The following USP12 variants were observed in gnomAD, a reference collection of about 807,000 sequenced individuals.
The protein encoded by USP12 is ubiquitin carboxyl-terminal hydrolase 12.
In USP12, 19 loss-of-function variants were observed where a neutral mutation model predicts 45.5. That is an observed-to-expected ratio of 0.42 (90% CI 0.29 to 0.61). USP12 has a LOEUF of 0.61. USP12 is among the 20% of genes least tolerant of loss of function. The pLI, the probability that USP12 is intolerant of heterozygous loss-of-function variation, is 0.22. For synonymous variants in USP12, 149 were observed against 148.8 expected, an observed-to-expected ratio of 1.00 and a Z score of -0.01; for missense variants, 242 against 447.7, an observed-to-expected ratio of 0.54 and a Z score of 4.15.
intron 1 of USP12, chr13:27,170,413 G>T: frequency 2.5e-6 from 1 of 398,286 alleles, no homozygotes; most frequent in South Asian, 1.3e-4. Context: ...TGCATAAATA[G>T]GGCCAGTGAG....
chr13:27,154,509 G>A (rs967951056), intron 1 of USP12, among the ~76,000 whole-genome samples: 3 of 152,014 alleles, frequency 2.0e-5, no homozygotes, highest in Admixed American at 6.6e-5. Context: ...AGATAACCAC[G>A]TCTTAATGTT....
intron 3 of USP12, among the ~76,000 whole-genome samples, chr13:27,105,171 G>A (rs1237499445): frequency 6.6e-6 from 1 of 152,136 alleles, no homozygotes; most frequent in African/African-American, 2.4e-5. Context: ...AAAGGGAGGT[G>A]GGGCTTACTC....
intron 2 of USP12, among the ~76,000 whole-genome samples, chr13:27,111,686 T>C (rs1875456197): frequency 6.6e-6 from 1 of 152,212 alleles, no homozygotes; most frequent in African/African-American, 2.4e-5. Context: ...ATTTATAAAT[T>C]ATACATACTA....
intron 1 of USP12, among the ~76,000 whole-genome samples, chr13:27,155,938 G>A (rs1418596005): frequency 1.3e-5 from 2 of 152,070 alleles, no homozygotes; most frequent in African/African-American, 4.8e-5. Flanking sequence ...TAACATAGAT[G>A]TACATTCTCT....
intron 1 of USP12, among the ~76,000 whole-genome samples, chr13:27,126,045 A>G (rs901294165): frequency 1.3e-5 from 2 of 152,262 alleles, no homozygotes; most frequent in Admixed American, 6.5e-5. Flanking sequence ...GGGGCAGGGC[A>G]TATCTGAACA....
intron 1 of USP12, among the ~76,000 whole-genome samples, chr13:27,148,815 A>ACACACACACACACACACACACACAC (rs1232624646): frequency 1.0e-3 from 13 of 12,612 alleles, no homozygotes; most frequent in South Asian, 2.9e-3. Context: ...CACACACACA[A>ACACACACACACACACACACACACAC]AAATCAGGTG....
chr13:27,085,065 A>T (rs1386413452), intron 6 of USP12, among the ~76,000 whole-genome samples: 1 of 152,156 alleles, frequency 6.6e-6, no homozygotes. Context: ...TTTCAGTAAC[A>T]TCTTATAATT....
chr13:27,105,254 T>G (rs1875076069), intron 3 of USP12, among the ~76,000 whole-genome samples: 1 of 152,220 alleles, frequency 6.6e-6, no homozygotes, highest in East Asian at 1.9e-4. Flanking sequence ...TTCTAGCTCC[T>G]TCCCCGGAGT....
At chr13:27,170,047 C>T (rs1878517231) in intron 1 of USP12, 2 of 336,768 alleles carry the variant, frequency 5.9e-6, no homozygotes, top group East Asian at 4.4e-5. Context: ...TTGAAATTGA[C>T]TAAGATAATA....
chr13:27,125,493 G>C (rs1876183986), intron 1 of USP12, among the ~76,000 whole-genome samples: 1 of 152,184 alleles, frequency 6.6e-6, no homozygotes, highest in South Asian at 2.1e-4. Context: ...TTGCTTCCAA[G>C]ATGGCCGAAT....
At chr13:27,093,406 G>A (rs1473002808) in intron 4 of USP12, among the ~76,000 whole-genome samples, 1 of 151,856 alleles carries the variant, frequency 6.6e-6, no homozygotes, top group Non-Finnish European at 1.5e-5. Flanking sequence ...AAGAGATATA[G>A]ATGATAAATA....
chr13:27,119,199 C>G (rs34470664), intron 1 of USP12, among the ~76,000 whole-genome samples: 1 of 152,062 alleles, frequency 6.6e-6, no homozygotes, highest in South Asian at 2.1e-4. Flanking sequence ...CGTGCAAAAG[C>G]TAAGAAATGA....
intron 6 of USP12, among the ~76,000 whole-genome samples, chr13:27,087,941 G>T (rs1874136699): frequency 2.0e-5 from 3 of 152,264 alleles, no homozygotes; most frequent in Middle Eastern, 3.4e-3. Flanking sequence ...AATGAAGAAT[G>T]AAATATTTAC....
At chr13:27,132,124 C>A (rs1053701788) in intron 1 of USP12, among the ~76,000 whole-genome samples, 1 of 152,192 alleles carries the variant, frequency 6.6e-6, no homozygotes, top group East Asian at 1.9e-4. Flanking sequence ...TTCCTGCTAT[C>A]CCTCATTTCC....
intron 1 of USP12, among the ~76,000 whole-genome samples, chr13:27,145,051 C>T (rs1473306958): frequency 6.6e-6 from 1 of 152,082 alleles, no homozygotes; most frequent in South Asian, 2.1e-4. Context: ...TGGGCTGGAC[C>T]CTGCAGCAGA....
chr13:27,142,291 T>G (rs1877100573), intron 1 of USP12, among the ~76,000 whole-genome samples: 1 of 152,068 alleles, frequency 6.6e-6, no homozygotes, highest in Non-Finnish European at 1.5e-5. Flanking sequence ...GACTTGTACT[T>G]CTCAAAAATG....
rs71083634 is a variant in USP12, at chr13:27,155,066, C to CTTTT, written c.48+16522_48+16525dup. On this transcript the variant is annotated intron_variant, in intron 1 of 8. Coordinates refer to ENST00000282344, the MANE Select transcript of USP12 (RefSeq NM_182488.4). ...TTTTTTTTTTTTCTGATGTCCACAA[C>CTTTT]TTTTTTTTTTTTTTTTTTTTTTTTT... is the stretch of plus-strand genomic sequence containing the variant. Among the ~76,000 whole-genome samples the CTTTT allele has an allele frequency of 9.9e-3, 571 of 57,646 alleles. 54 individuals carry two copies. Among genetic ancestry groups the CTTTT allele is most frequent in the Non-Finnish European group, 0.012 (424 of 35,410 alleles). The allele number at this position is 57,646 out of a possible 152,430, so 37.8% of individuals were successfully genotyped here.
At chr13:27,122,740 C>T (rs568832980) in intron 1 of USP12, among the ~76,000 whole-genome samples, 1 of 152,156 alleles carries the variant, frequency 6.6e-6, no homozygotes, top group South Asian at 2.1e-4. Context: ...TCAGATAGTA[C>T]TTTTTAGCCA....
chr13:27,112,436 C>T (rs1421711828), intron 2 of USP12, among the ~76,000 whole-genome samples: 2 of 151,282 alleles, frequency 1.3e-5, no homozygotes, highest in African/African-American at 4.9e-5. Context: ...GGCACTCAGG[C>T]ATGCAAAATG....
Sources: gnomAD v4.1 joint callset for allele counts (sites outside exome capture counted in the v4.1 genomes callset) on GRCh38, gnomAD v4.1.1 for gene constraint, MANE v1.5 for transcripts, NCBI Gene and HGNC (gene_info 2026-07-23, HGNC 2026-07-21) for gene names.